Variants in PRR16 observed in about 807,000 individuals in gnomAD.
The protein encoded by PRR16 is protein Largen.
PRR16 carries 6 observed loss-of-function variants against 18.2 expected under a neutral mutation model. That is an observed-to-expected ratio of 0.33 (90% CI 0.18 to 0.65). The LOEUF is 0.65. Ranked by LOEUF, PRR16 falls within the 30% of genes least tolerant of loss-of-function variation. The pLI is 0.74. For missense variants in PRR16, 412 were observed against 376.6 expected (o/e 1.09, Z -0.78); for synonymous variants, 151 against 147.8 (o/e 1.02, Z -0.16).
At chr5:120,643,082 A>G (rs930176704) in intron 1 of PRR16, among the ~76,000 whole-genome samples, 6 of 152,106 alleles carry the variant, frequency 3.9e-5, no homozygotes, top group African/African-American at 1.4e-4. Context: ...CTCGCAAAAT[A>G]TTTGACATAG....
intron 1 of PRR16, among the ~76,000 whole-genome samples, chr5:120,650,410 G>A (rs1755739227): frequency 6.6e-6 from 1 of 150,564 alleles, no homozygotes; most frequent in Non-Finnish European, 1.5e-5. Context: ...CATGTGCCAT[G>A]TTGGTGTGCT....
intron 1 of PRR16, among the ~76,000 whole-genome samples, chr5:120,498,381 C>A (rs1414480298): frequency 2.0e-5 from 3 of 149,376 alleles, no homozygotes; most frequent in Non-Finnish European, 4.4e-5. Flanking sequence ...ATAAAACTTA[C>A]CACAGTCTTC....
chr5:120,750,390 G>GA, the PRR16 span, among the ~76,000 whole-genome samples: 1 of 151,960 alleles, frequency 6.6e-6, no homozygotes, highest in Non-Finnish European at 1.5e-5. Context: ...CAGGCGCGGT[G>GA]GCTCACACCT....
chr5:120,697,964 T>A, the PRR16 span, among the ~76,000 whole-genome samples: 4 of 152,280 alleles, frequency 2.6e-5, no homozygotes, highest in South Asian at 6.2e-4. Flanking sequence ...TTCAGTTACT[T>A]CAGGCCATCT....
At chr5:120,510,025 G>C (rs1750780713) in intron 1 of PRR16, among the ~76,000 whole-genome samples, 1 of 152,076 alleles carries the variant, frequency 6.6e-6, no homozygotes. Context: ...GCTTTTACTA[G>C]CAAAAGAGGC....
chr5:120,657,783 T>C (rs1756033364), intron 1 of PRR16, among the ~76,000 whole-genome samples: 1 of 151,972 alleles, frequency 6.6e-6, no homozygotes, highest in African/African-American at 2.4e-5. Flanking sequence ...GAAGAAAGCA[T>C]TAGGAATGTG....
intron 1 of PRR16, among the ~76,000 whole-genome samples, chr5:120,514,695 C>G (rs1336887869): frequency 6.6e-6 from 1 of 152,146 alleles, no homozygotes; most frequent in Non-Finnish European, 1.5e-5. Flanking sequence ...TTTCCCATAC[C>G]GTATTCCACA....
At chr5:120,581,748 G>A (rs1030382631) in intron 1 of PRR16, among the ~76,000 whole-genome samples, 1 of 151,856 alleles carries the variant, frequency 6.6e-6, no homozygotes, top group Non-Finnish European at 1.5e-5. Flanking sequence ...CAAAAAACTT[G>A]ATTTCTACCT....
At chr5:120,540,406 C>A (rs1447456629) in intron 1 of PRR16, among the ~76,000 whole-genome samples, 2 of 152,292 alleles carry the variant, frequency 1.3e-5, no homozygotes, top group East Asian at 1.9e-4. Flanking sequence ...AGGACACCAT[C>A]CAGATTTCTT....
intron 1 of PRR16, among the ~76,000 whole-genome samples, chr5:120,653,940 G>A (rs1755877604): frequency 6.6e-6 from 1 of 152,012 alleles, no homozygotes; most frequent in Non-Finnish European, 1.5e-5. Context: ...GGCACAGACT[G>A]TTAATTGTCC....
chr5:120,702,560 G>A, the PRR16 span, among the ~76,000 whole-genome samples: 1 of 152,172 alleles, frequency 6.6e-6, no homozygotes, highest in African/African-American at 2.4e-5. Context: ...TGCGTGGTCT[G>A]ACACCTTTGA....
chr5:120,650,610 A>G (rs2150131130), intron 1 of PRR16, among the ~76,000 whole-genome samples: 1 of 151,904 alleles, frequency 6.6e-6, no homozygotes. Context: ...TAGTTTGCTG[A>G]GAATGATGAT....
intron 1 of PRR16, among the ~76,000 whole-genome samples, chr5:120,554,824 C>G (rs1197235489): frequency 6.6e-6 from 1 of 151,876 alleles, no homozygotes; most frequent in Non-Finnish European, 1.5e-5. Flanking sequence ...AGAAACACCT[C>G]TCATAATTTC....
the PRR16 span, among the ~76,000 whole-genome samples, chr5:120,694,220 T>TA: frequency 6.6e-6 from 1 of 152,242 alleles, no homozygotes; most frequent in Non-Finnish European, 1.5e-5. Flanking sequence ...TAGTTGATGC[T>TA]AATGATATTG....
At chr5:120,779,562 T>C in the PRR16 span, among the ~76,000 whole-genome samples, 1 of 152,186 alleles carries the variant, frequency 6.6e-6, no homozygotes, top group East Asian at 1.9e-4. Flanking sequence ...TTTCGTGTGC[T>C]TTTCTGTGTT....
chr5:120,562,815 T>C (rs1309036282), intron 1 of PRR16, among the ~76,000 whole-genome samples: 1 of 152,196 alleles, frequency 6.6e-6, no homozygotes, highest in East Asian at 1.9e-4. Context: ...TTAACTTTGT[T>C]TTTTTATGTC....
At chr5:120,571,336 C>G (rs906413036) in intron 1 of PRR16, among the ~76,000 whole-genome samples, 18 of 152,064 alleles carry the variant, frequency 1.2e-4, no homozygotes, top group South Asian at 6.2e-4. Flanking sequence ...AATGGAAGTG[C>G]AATTGTGAAT....
chr5:120,547,655 T>A lies in PRR16; in HGVS notation c.159+83010T>A, dbSNP rs766903665. 4.4e-4 allele frequency among the ~76,000 whole-genome samples: 67 copies of A among 152,086 alleles called. 1 individual carries two copies. The highest frequency in any genetic ancestry group is 9.3e-4 in the Non-Finnish European group (63 of 67,998). Reference sequence around the variant, plus strand: ...TTGTGTTTTGTTATCTGCCACAGGATGTTAAAAGAACAGAATGTCAGTCAC... The same window carrying A: ...TTGTGTTTTGTTATCTGCCACAGGAAGTTAAAAGAACAGAATGTCAGTCAC... On this transcript the variant is annotated intron_variant, in intron 1 of 1. Coordinates refer to ENST00000407149, the MANE Select transcript of PRR16 (RefSeq NM_001300783.2).
intron 1 of PRR16, among the ~76,000 whole-genome samples, chr5:120,655,166 A>AT (rs1461511756): frequency 1.3e-5 from 2 of 151,840 alleles, no homozygotes; most frequent in African/African-American, 4.8e-5. Context: ...CTGCTCACTT[A>AT]TTTTTTATGT....
Sources: gnomAD v4.1 joint callset for allele counts (sites outside exome capture counted in the v4.1 genomes callset) on GRCh38, gnomAD v4.1.1 for gene constraint, MANE v1.5 for transcripts, NCBI Gene and HGNC (gene_info 2026-07-23, HGNC 2026-07-21) for gene names.